The following SV2C variants were observed in gnomAD, a reference collection of about 807,000 sequenced individuals.
The protein encoded by SV2C is synaptic vesicle glycoprotein 2C.
A neutral mutation model predicts 79.7 loss-of-function variants in SV2C; 49 were observed. That is an observed-to-expected ratio of 0.61 (90% CI 0.49 to 0.78). The LOEUF is 0.78. Among genes scored for constraint, SV2C ranks in the 30% least tolerant of loss-of-function variants. SV2C has a pLI of 0.00. For synonymous variants in SV2C, 334 were observed against 333.2 expected (o/e 1.00, Z -0.03); for missense variants, 833 against 912.9 (o/e 0.91, Z 1.13).
chr5:76,210,012 T>TCATA, intron 4 of SV2C, 125 bp downstream of exon 4: 1 of 1,191,974 alleles, frequency 8.4e-7, no homozygotes, highest in Non-Finnish European at 1.2e-6. Flanking sequence ...TTTCTCCCTT[T>TCATA]CATAGTGTCC....
Position 76,331,920 on chromosome 5 carries a change from G to A in SV2C, c.*6373G>A, listed in dbSNP as rs2112576744. The A allele has an allele frequency of 6.6e-6, 1 of 152,334 alleles. No individual in the cohort carries two copies. Among genetic ancestry groups the A allele is most frequent in the East Asian group, 1.9e-4 (1 of 5,178 alleles). The allele number at this position is 152,334 out of a possible 1,614,324, so 9.4% of individuals were successfully genotyped here. On this transcript the variant is annotated 3_prime_UTR_variant, in exon 13 of 13. Coordinates refer to ENST00000502798, the MANE Select transcript of SV2C (RefSeq NM_014979.4). ...CTTTTCAGTGCCTGTGCCCTGATAG[G>A]ATGGGCACAGCTGGTATGGAATCAG...
chr5:75,854,002 A>C, the SV2C span, among the ~76,000 whole-genome samples: 1 of 151,918 alleles, frequency 6.6e-6, no homozygotes, highest in Non-Finnish European at 1.5e-5. Flanking sequence ...ACCAAAAAAA[A>C]AAAAAAAAAC....
At chr5:76,046,766 C>T in the SV2C span, among the ~76,000 whole-genome samples, 12 of 152,228 alleles carry the variant, frequency 7.9e-5, no homozygotes, top group African/African-American at 1.7e-4. Context: ...GCTCAAGCCC[C>T]TCCTGAGGGG....
the SV2C span, among the ~76,000 whole-genome samples, chr5:75,884,025 T>A: frequency 6.6e-6 from 1 of 152,070 alleles, no homozygotes; most frequent in African/African-American, 2.4e-5. Flanking sequence ...AAATTCTGAT[T>A]AATAAAAATT....
chr5:76,019,394 C>A, the SV2C span, among the ~76,000 whole-genome samples: 1 of 152,128 alleles, frequency 6.6e-6, no homozygotes, highest in Admixed American at 6.6e-5. Flanking sequence ...TGTGCTCACC[C>A]TCCTTTTGAG....
At chr5:76,198,462 T>C (rs1227241703) in intron 3 of SV2C, among the ~76,000 whole-genome samples, 1 of 152,120 alleles carries the variant, frequency 6.6e-6, no homozygotes, top group Non-Finnish European at 1.5e-5. Flanking sequence ...AGTGGAAGCA[T>C]CCTGAGGCCA....
At chr5:75,900,694 C>G in the SV2C span, among the ~76,000 whole-genome samples, 2,514 of 151,856 alleles carry the variant, frequency 0.017, 35 homozygotes, top group African/African-American at 0.043. Flanking sequence ...GTCACTTTCA[C>G]ATGTAGTACA....
chr5:76,016,956 C>T, the SV2C span, among the ~76,000 whole-genome samples: 1 of 152,228 alleles, frequency 6.6e-6, no homozygotes, highest in Non-Finnish European at 1.5e-5. Flanking sequence ...TGCGTCAAAG[C>T]ATCTGTGTTT....
At chr5:76,120,825 CAT>C (rs1561224233) in intron 1 of SV2C, among the ~76,000 whole-genome samples, 2 of 150,226 alleles carry the variant, frequency 1.3e-5, no homozygotes, top group East Asian at 1.9e-4. Context: ...CCACAATAAA[CAT>C]ATGTGTGCAT....
chr5:76,017,474 G>A, the SV2C span, among the ~76,000 whole-genome samples: 5 of 152,086 alleles, frequency 3.3e-5, no homozygotes, highest in Non-Finnish European at 5.9e-5. Flanking sequence ...TTTTAGTAGA[G>A]ATGGGGTTTC....
chr5:75,959,118 G>A, the SV2C span, among the ~76,000 whole-genome samples: 98,339 of 151,674 alleles, frequency 0.65, 33,252 homozygotes, highest in African/African-American at 0.79. Flanking sequence ...TCTTTGCACC[G>A]TGGTAGCTGC....
intron 4 of SV2C, among the ~76,000 whole-genome samples, chr5:76,226,881 C>T (rs1745263727): frequency 6.6e-6 from 1 of 152,118 alleles, no homozygotes; most frequent in African/African-American, 2.4e-5. Flanking sequence ...GTGGGATGCC[C>T]ATGATCACTG....
At chr5:76,013,432 C>T in the SV2C span, among the ~76,000 whole-genome samples, 1 of 152,104 alleles carries the variant, frequency 6.6e-6, no homozygotes, top group Admixed American at 6.5e-5. Flanking sequence ...TATAAGAATG[C>T]TTGTGATTTA....
the SV2C span, among the ~76,000 whole-genome samples, chr5:75,877,064 C>A: frequency 6.6e-6 from 1 of 151,674 alleles, no homozygotes; most frequent in Non-Finnish European, 1.5e-5. Context: ...CATTTTAGAT[C>A]GAAAGATACA....
the SV2C span, among the ~76,000 whole-genome samples, chr5:75,930,566 T>A: frequency 1.0e-3 from 157 of 152,330 alleles, no homozygotes; most frequent in Non-Finnish European, 2.1e-3. Flanking sequence ...CTCTAGAAGG[T>A]CTATCATCCA....
chr5:76,347,777 A>G (rs1749571219), intron 12 of SV2C, among the ~76,000 whole-genome samples: 1 of 152,098 alleles, frequency 6.6e-6, no homozygotes, highest in Non-Finnish European at 1.5e-5. Flanking sequence ...TATATTTTAG[A>G]ACGGTTTTAG....
At chr5:76,042,007 G>A in the SV2C span, among the ~76,000 whole-genome samples, 4 of 152,054 alleles carry the variant, frequency 2.6e-5, no homozygotes, top group African/African-American at 7.2e-5. Context: ...TTTCAGGCCC[G>A]ATGTTTGCCC....
chr5:75,878,582 C>T, the SV2C span, among the ~76,000 whole-genome samples: 1 of 152,118 alleles, frequency 6.6e-6, no homozygotes, highest in African/African-American at 2.4e-5. Context: ...TCCCCCACCC[C>T]AGCTCATACC....
chr5:75,854,529 C>T, the SV2C span, among the ~76,000 whole-genome samples: 1 of 152,016 alleles, frequency 6.6e-6, no homozygotes, highest in African/African-American at 2.4e-5. Flanking sequence ...TGTGATGTGC[C>T]TCTTTAAATG....
Sources: allele counts gnomAD v4.1 joint callset (sites outside exome capture counted in the v4.1 genomes callset), GRCh38; gene constraint gnomAD v4.1.1; transcripts MANE v1.5; gene names NCBI Gene and HGNC (gene_info 2026-07-23, HGNC 2026-07-21).